Variants in FLRT2 observed in about 807,000 individuals in gnomAD.
The protein encoded by FLRT2 is fibronectin leucine rich transmembrane protein 2, also known as leucine-rich repeat transmembrane protein FLRT2.
FLRT2 carries 15 observed loss-of-function variants against 40.0 expected under a neutral mutation model. The observed-to-expected ratio is 0.38, with a 90% CI of 0.25 to 0.58. The LOEUF is 0.58. FLRT2 is among the 20% of genes least tolerant of loss of function. The pLI is 0.71. For missense variants in FLRT2, 726 were observed against 840.0 expected (o/e 0.86, Z 1.68); for synonymous variants, 380 against 336.8 (o/e 1.13, Z -1.41).
rs768328033 is a variant in FLRT2 at position 85,622,550 on chromosome 14, C to T, written c.1036C>T (p.Arg346Trp). ...CATGTGCCAAGGTCCTGAACAAGTCCGGGGGATGGCCGTCAGGGAATTAAA... is the reference window on the plus strand; with the variant it reads ...CATGTGCCAAGGTCCTGAACAAGTCTGGGGGATGGCCGTCAGGGAATTAAA... ...GFMCQGPEQV[R>W]GMAVRELNMN... The change falls in exon 2 of 2, where the codon CGG becomes TGG. Residue 346 changes from arginine (R) to tryptophan (W), a missense_variant. Physicochemically the swap from Arg to Trp is moderately radical, Grantham distance 101 (BLOSUM62 -3). Coordinates refer to ENST00000330753, the MANE Select transcript of FLRT2 (RefSeq NM_013231.6). 4.3e-6 allele frequency: 7 copies of T among 1,613,882 alleles called. No individual in the cohort carries two copies. The highest frequency in any genetic ancestry group is 1.7e-5 in the Admixed American group (1 of 60,000).
chr14:85,558,046 G>A (rs1300108286), intron 1 of FLRT2, among the ~76,000 whole-genome samples: 1 of 144,084 alleles, frequency 6.9e-6, no homozygotes, highest in African/African-American at 3.0e-5. Context: ...GAAAGCATCT[G>A]TAGACTTCCG....
rs1403547625 is a variant in FLRT2 at position 85,626,150 on chromosome 14, A to G, written c.*2653A>G. On this transcript the variant is annotated 3_prime_UTR_variant, in exon 2 of 2. Coordinates refer to ENST00000330753, the MANE Select transcript of FLRT2 (RefSeq NM_013231.6). ...TCCGTCTCCCATTTGTTACAGCCTC[A>G]CCTGCACCAGGATAGAAAGCACGTG... The G allele has an allele frequency of 1.2e-5, 2 of 167,062 alleles. No homozygotes were observed. Among genetic ancestry groups the G allele is most frequent in the African/African-American group, 4.8e-5 (2 of 41,446 alleles). The allele number at this position is 167,062 out of a possible 1,614,324, so 10.3% of individuals were successfully genotyped here.
chr14:85,602,576 T>G (rs1157210562), intron 1 of FLRT2, among the ~76,000 whole-genome samples: 2 of 152,212 alleles, frequency 1.3e-5, no homozygotes, highest in African/African-American at 4.8e-5. Flanking sequence ...AGTTCTATGC[T>G]CAGCACAGGG....
chr14:85,626,011 T>C lies in FLRT2; in HGVS notation c.*2514T>C, dbSNP rs950870761. ...AATGGAGACAGTCATGTGCAATGCT[T>C]AAGATGGTCTGACAGGGTCCCTTTT... On this transcript the variant is annotated 3_prime_UTR_variant, in exon 2 of 2. Coordinates refer to ENST00000330753, the MANE Select transcript of FLRT2 (RefSeq NM_013231.6). The C allele has an allele frequency of 6.0e-6, 1 of 167,084 alleles. No homozygotes were observed. The highest frequency in any genetic ancestry group is 1.5e-5 in the Non-Finnish European group (1 of 68,144). 10.4% of individuals were successfully genotyped at this position (167,084 alleles called of 1,614,324 possible).
intron 1 of FLRT2, among the ~76,000 whole-genome samples, chr14:85,546,184 A>G (rs531799194): frequency 3.3e-5 from 5 of 152,300 alleles, no homozygotes; most frequent in South Asian, 4.1e-4. Context: ...TCATCTCTAC[A>G]TGTATGAAAG....
rs1022485941 is a variant in FLRT2 at position 85,649,125 on chromosome 14, C to A, written c.*25628C>A. 3 of 152,046 alleles carry A rather than the reference C, an allele frequency of 2.0e-5. No homozygotes were observed. Among genetic ancestry groups the A allele is most frequent in the African/African-American group, 7.2e-5 (3 of 41,412 alleles). 9.4% of individuals were successfully genotyped at this position (152,046 alleles called of 1,614,324 possible). A position where few individuals can be genotyped will look rare whatever the true frequency, so the allele number is the denominator to read the frequency against. On this transcript the variant is annotated 3_prime_UTR_variant, in exon 2 of 2. Coordinates refer to ENST00000330753, the MANE Select transcript of FLRT2 (RefSeq NM_013231.6). ...GTATTCTGCAGTCTGATTGCAGAAG[C>A]ATATATGTAAAAATATACCTTTTAG...
At chr14:85,532,444 C>G (rs956528233) in intron 1 of FLRT2, among the ~76,000 whole-genome samples, 1 of 152,138 alleles carries the variant, frequency 6.6e-6, no homozygotes, top group Admixed American at 6.5e-5. Context: ...GCTTTTTTTA[C>G]TTGTTTGTTT....
rs540384836 is a variant in FLRT2 at position 85,635,956 on chromosome 14, T to C, written c.*12459T>C. The stretch of plus-strand genomic sequence containing the variant: ...TAAAGATGTTTATATAATTTTTATA[T>C]AATACACACTTCCAATAATTGATAA... On this transcript the variant is annotated 3_prime_UTR_variant, in exon 2 of 2. Transcript: ENST00000330753. 34 of 152,274 alleles carry C rather than the reference T, an allele frequency of 2.2e-4. No individual in the cohort carries two copies. The highest frequency in any genetic ancestry group is 3.4e-3 in the Middle Eastern group (1 of 294). 9.4% of individuals were successfully genotyped at this position (152,274 alleles called of 1,614,324 possible).
Position 85,641,319 on chromosome 14 carries a change from T to A in FLRT2, c.*17822T>A, listed in dbSNP as rs892619407. ...ATCACATTTGCTGGACTCCATTATG[T>A]TTGGATTCTATGTATAAATTAGGTT... On this transcript the variant is annotated 3_prime_UTR_variant, in exon 2 of 2. Coordinates refer to ENST00000330753, the MANE Select transcript of FLRT2 (RefSeq NM_013231.6). 1 of 152,196 alleles carries A rather than the reference T, an allele frequency of 6.6e-6. No homozygotes were observed. Among genetic ancestry groups the A allele is most frequent in the Non-Finnish European group, 1.5e-5 (1 of 68,038 alleles). 9.4% of individuals were successfully genotyped at this position (152,196 alleles called of 1,614,324 possible). A position where few individuals can be genotyped will look rare whatever the true frequency, so the allele number is the denominator to read the frequency against.
At chr14:85,537,618 A>C (rs1041553553) in intron 1 of FLRT2, among the ~76,000 whole-genome samples, 5 of 151,328 alleles carry the variant, frequency 3.3e-5, no homozygotes, top group South Asian at 4.2e-4. Flanking sequence ...ACACACACAC[A>C]ACACACACAT....
intron 1 of FLRT2, among the ~76,000 whole-genome samples, chr14:85,578,180 T>A (rs1334257476): frequency 3.3e-5 from 3 of 90,984 alleles, no homozygotes; most frequent in Non-Finnish European, 5.4e-5. Flanking sequence ...AAAAATATCT[T>A]TATATATATT....
chr14:85,558,168 G>T (rs182570437), intron 1 of FLRT2, among the ~76,000 whole-genome samples: 1 of 152,276 alleles, frequency 6.6e-6, no homozygotes, highest in South Asian at 2.1e-4. Context: ...ATATGTGCAT[G>T]TGCATGTGCT....
chr14:85,621,743 A>G lies in FLRT2; in HGVS notation c.229A>G (p.Asn77Asp). 2 of 1,614,116 alleles carry G rather than the reference A, an allele frequency of 1.2e-6. No homozygotes were observed. The highest frequency in any genetic ancestry group is 1.7e-6 in the Non-Finnish European group (2 of 1,180,020). Residue 77 changes from asparagine to aspartate, a missense_variant, in exon 2 of 2, where the codon AAT becomes GAT. Coordinates refer to ENST00000330753, the MANE Select transcript of FLRT2 (RefSeq NM_013231.6). ...CTACCTCCACAACAACCAAATTAAT[A>G]ATGCTGGATTTCCTGCAGAACTGCA... ...VLYLHNNQIN[N>D]AGFPAELHNV...
intron 1 of FLRT2, among the ~76,000 whole-genome samples, chr14:85,598,417 T>C (rs900486525): frequency 1.3e-5 from 2 of 152,240 alleles, no homozygotes; most frequent in Non-Finnish European, 2.9e-5. Context: ...AAAGCCATTA[T>C]ACGGGAATTC....
At position 85,621,530 on chromosome 14, in the gene FLRT2, A is replaced by C; in HGVS notation, c.16A>C (p.Thr6Pro). MGLQT[T>P]KWPSHGAFFL... ...TACTTCAGAAATGGGCCTACAGACC[A>C]CAAAGTGGCCCAGCCATGGGGCTTT... Residue 6 changes from threonine to proline, a missense_variant, in exon 2 of 2, where the codon ACA (threonine) becomes CCA (proline). Transcript: ENST00000330753. 1 of 1,611,852 alleles carries C rather than the reference A, an allele frequency of 6.2e-7. No individual in the cohort carries two copies. Among genetic ancestry groups the C allele is most frequent in the East Asian group, 2.2e-5 (1 of 44,814 alleles).
At chr14:85,553,238 C>T (rs374061156) in intron 1 of FLRT2, among the ~76,000 whole-genome samples, 52 of 152,178 alleles carry the variant, frequency 3.4e-4, no homozygotes, top group East Asian at 1.7e-3. Flanking sequence ...GGTTTATTGG[C>T]CACAAAACAC....
rs1193832631 is a variant in FLRT2 at position 85,547,888 on chromosome 14, G to C, written c.-377+17354G>C. Among the ~76,000 whole-genome samples, 3 of 152,304 alleles carry C rather than the reference G, an allele frequency of 2.0e-5. No individual in the cohort carries two copies. In the South Asian group the frequency reaches 6.2e-4, roughly 32 times the overall value. On this transcript the variant is annotated intron_variant, in intron 1 of 1. Coordinates refer to ENST00000330753, the MANE Select transcript of FLRT2 (RefSeq NM_013231.6). Reference sequence around the variant, plus strand: ...GAAAGGTGGGACAACTTGAAGCAGGGAGGGGGCTTTCAGATCATAGGTAGA... The same window carrying C: ...GAAAGGTGGGACAACTTGAAGCAGGCAGGGGGCTTTCAGATCATAGGTAGA...
chr14:85,598,759 A>G (rs1440778683), intron 1 of FLRT2, among the ~76,000 whole-genome samples: 1 of 152,188 alleles, frequency 6.6e-6, no homozygotes, highest in East Asian at 1.9e-4. Context: ...CGTTAGTGAC[A>G]GAACTAAGAC....
rs1383100469 is a variant in FLRT2, at chr14:85,652,075, A to G, written c.*28578A>G. On this transcript the variant is annotated 3_prime_UTR_variant, in exon 2 of 2. Coordinates refer to ENST00000330753, the MANE Select transcript of FLRT2 (RefSeq NM_013231.6). The stretch of plus-strand genomic sequence containing the variant: ...TCTCATTAAATCAGCTGTTTATTAA[A>G]AAAAGCAATGAGCAAGGAACAACAA... The G allele has an allele frequency of 6.6e-6, 1 of 152,138 alleles. No homozygotes were observed. Among genetic ancestry groups the G allele is most frequent in the African/African-American group, 2.4e-5 (1 of 41,466 alleles). The allele number at this position is 152,138 out of a possible 1,614,324, so 9.4% of individuals were successfully genotyped here.
Sources: gnomAD v4.1 joint callset for allele counts (sites outside exome capture counted in the v4.1 genomes callset) on GRCh38, gnomAD v4.1.1 for gene constraint, MANE v1.5 for transcripts, NCBI Gene and HGNC (gene_info 2026-07-23, HGNC 2026-07-21) for gene names.